Variants in KAZN observed in about 807,000 individuals in gnomAD.
KAZN encodes kazrin.
KAZN carries 40 observed loss-of-function variants against 87.4 expected under a neutral mutation model. The ratio of observed to expected loss-of-function variants is 0.46; its 90% CI spans 0.36 to 0.60. The LOEUF (loss-of-function observed/expected upper bound fraction) is 0.60, where lower values mean the gene tolerates loss of function less well. Ranked by LOEUF, KAZN falls within the 20% of genes least tolerant of loss-of-function variation. KAZN has a pLI of 0.00. For synonymous variants in KAZN, 466 were observed against 458.3 expected (o/e 1.02, Z -0.22); for missense variants, 898 against 1,073.9 (o/e 0.84, Z 2.29).
chr1:14,785,641 G>A (rs1645489395), intron 1 of KAZN, among the ~76,000 whole-genome samples: 1 of 152,054 alleles, frequency 6.6e-6, no homozygotes, highest in South Asian at 2.1e-4. Flanking sequence ...TTATGGCCCA[G>A]GACAAGTTAT....
At chr1:14,371,669 T>C (rs1660495892) in intron 2 of KAZN, among the ~76,000 whole-genome samples, 1 of 152,170 alleles carries the variant, frequency 6.6e-6, no homozygotes, top group South Asian at 2.1e-4. Context: ...ACCTGTCTGG[T>C]TCTGTTCACC....
At chr1:14,861,138 G>A (rs1257256340) in intron 1 of KAZN, among the ~76,000 whole-genome samples, 1 of 152,344 alleles carries the variant, frequency 6.6e-6, no homozygotes, top group Non-Finnish European at 1.5e-5. Context: ...AGCACTTTGA[G>A]AGGCCAAGGT....
intron 2 of KAZN, among the ~76,000 whole-genome samples, chr1:14,279,474 G>C (rs1285066913): frequency 6.6e-6 from 1 of 152,164 alleles, no homozygotes; most frequent in Non-Finnish European, 1.5e-5. Flanking sequence ...TTCTCACTTG[G>C]AGATGGATGA....
intron 2 of KAZN, among the ~76,000 whole-genome samples, chr1:14,224,419 T>TG (rs1647193464): frequency 6.6e-6 from 1 of 152,156 alleles, no homozygotes; most frequent in Non-Finnish European, 1.5e-5. Context: ...AGAAATGTTA[T>TG]TTGGTGTTTA....
chr1:14,382,003 C>CA lies in KAZN; in HGVS notation c.249+201416dup. Among the ~76,000 whole-genome samples, 4 of 152,200 alleles carry CA rather than the reference C, an allele frequency of 2.6e-5. No homozygotes were observed. In the South Asian group the frequency reaches 8.3e-4, roughly 32 times the overall value. On this transcript the variant is annotated intron_variant, in intron 2 of 16. Transcript: ENST00000636203. ...AGTTGCAGGATACAAAATCAAGATA[C>CA]AAAAATCAGTAGCACTTATATATCC...
intron 13 of KAZN, among the ~76,000 whole-genome samples, chr1:15,109,053 A>G (rs573751388): frequency 6.6e-6 from 1 of 152,284 alleles, no homozygotes; most frequent in Admixed American, 6.5e-5. Context: ...CTTTGTCTAC[A>G]GAAAGACAAC....
At chr1:14,414,409 C>CCAAAAAATAAATGAGTAACTTGTAGTGTA (rs1553168793) in intron 2 of KAZN, among the ~76,000 whole-genome samples, 2 of 148,732 alleles carry the variant, frequency 1.3e-5, no homozygotes, top group Admixed American at 6.7e-5. Context: ...AATCCACTAA[C>CCAAAAAATAAATGAGTAACTTGTAGTGTA]CAAAAAATAA....
At chr1:14,878,304 C>CT (rs1445932675) in intron 1 of KAZN, among the ~76,000 whole-genome samples, 2 of 151,328 alleles carry the variant, frequency 1.3e-5, no homozygotes, top group Admixed American at 6.6e-5. Context: ...ATTAACAGTT[C>CT]TTTGGGGGGG....
intron 2 of KAZN, among the ~76,000 whole-genome samples, chr1:14,982,647 G>T (rs188298897): frequency 2.2e-4 from 34 of 152,094 alleles, no homozygotes; most frequent in Middle Eastern, 3.4e-3. Context: ...TTCTGGTCTC[G>T]AACTCCTGAC....
At chr1:14,263,238 G>A (rs898293032) in intron 2 of KAZN, among the ~76,000 whole-genome samples, 1 of 152,204 alleles carries the variant, frequency 6.6e-6, no homozygotes, top group African/African-American at 2.4e-5. Context: ...TCTATTGTAT[G>A]TTGAGCAGAG....
intron 1 of KAZN, among the ~76,000 whole-genome samples, chr1:14,174,059 A>G (rs1256130125): frequency 1.3e-5 from 2 of 152,226 alleles, no homozygotes; most frequent in African/African-American, 4.8e-5. Flanking sequence ...CATTACTTCC[A>G]CATATTCAGC....
chr1:14,149,259 G>A (rs1207506258), intron 1 of KAZN, among the ~76,000 whole-genome samples: 2 of 146,040 alleles, frequency 1.4e-5, no homozygotes, highest in African/African-American at 2.6e-5. Flanking sequence ...GTGCCACCAC[G>A]CCCAGCTAAT....
At chr1:13,986,339 TA>T (rs1302016703) in intron 1 of KAZN, among the ~76,000 whole-genome samples, 1 of 152,226 alleles carries the variant, frequency 6.6e-6, no homozygotes, top group East Asian at 1.9e-4. Flanking sequence ...TTGGGGTAAT[TA>T]AAATGTTTGT....
exon 1 of KAZN, chr1:13,893,058 G>C (rs953682656): frequency 1.3e-5 from 2 of 152,078 alleles, no homozygotes; most frequent in Admixed American, 1.3e-4. Flanking sequence ...GGCAGCAGCC[G>C]GACGCCTGGC....
intron 1 of KAZN, among the ~76,000 whole-genome samples, chr1:14,000,228 C>T (rs541310067): frequency 7.8e-4 from 119 of 152,198 alleles, no homozygotes; most frequent in South Asian, 1.9e-3. Flanking sequence ...ATACCAAAAC[C>T]GGGAAGAGGC....
At chr1:14,127,588 G>A (rs144144430) in intron 1 of KAZN, among the ~76,000 whole-genome samples, 11 of 152,038 alleles carry the variant, frequency 7.2e-5, no homozygotes, top group South Asian at 2.1e-4. Flanking sequence ...GAAGTGCTCC[G>A]GCGTCCTCCA....
intron 2 of KAZN, among the ~76,000 whole-genome samples, chr1:14,362,112 C>T (rs4111265): frequency 0.079 from 12,020 of 152,212 alleles, 544 homozygotes; most frequent in African/African-American, 0.11. Context: ...TAACAACTCA[C>T]ATTTATTATT....
chr1:13,954,189 A>T (rs1641457407), intron 1 of KAZN, among the ~76,000 whole-genome samples: 1 of 152,192 alleles, frequency 6.6e-6, no homozygotes, highest in Non-Finnish European at 1.5e-5. Context: ...GGGCAACAGA[A>T]TGAGACTCTG....
At position 14,050,222 on chromosome 1, in the gene KAZN, G is replaced by T. The variant is rs1349575858; in HGVS notation, c.92-130213G>T. Among the ~76,000 whole-genome samples, 3 of 152,050 alleles carry T rather than the reference G, an allele frequency of 2.0e-5. No individual in the cohort carries two copies. The East Asian group carries it at 5.8e-4, about 29-fold the overall frequency. On this transcript the variant is annotated intron_variant, in intron 1 of 16. Transcript: ENST00000636203. The stretch of plus-strand genomic sequence containing the variant: ...TGTGCACATGTGTGGGCATGCATGT[G>T]CACATGTATATGTGTGGATGTGTGT...
Sources: allele counts gnomAD v4.1 joint callset (sites outside exome capture counted in the v4.1 genomes callset), GRCh38; gene constraint gnomAD v4.1.1; transcripts MANE v1.5; gene names NCBI Gene and HGNC (gene_info 2026-07-23, HGNC 2026-07-21).